Variants in SLC26A9 observed in about 807,000 individuals in gnomAD.
SLC26A9 encodes solute carrier family 26 member 9.
A neutral mutation model predicts 87.1 loss-of-function variants in SLC26A9; 46 were observed. That is an observed-to-expected ratio of 0.53 (90% CI 0.42 to 0.67). The LOEUF is 0.67. SLC26A9 is among the 30% of genes least tolerant of loss of function. The pLI, the probability that SLC26A9 is intolerant of heterozygous loss-of-function variation, is 0.00. For missense variants in SLC26A9, 927 were observed against 1,018.3 expected, an observed-to-expected ratio of 0.91 and a Z score of 1.22; for synonymous variants, 437 against 409.1, an observed-to-expected ratio of 1.07 and a Z score of -0.82.
intron 13 of SLC26A9, 35 bp from the exon 14 acceptor site, chr1:205,923,648 T>A: frequency 6.2e-7 from 1 of 1,613,430 alleles, no homozygotes; most frequent in South Asian, 1.1e-5. Context: ...CATAAGAGAA[T>A]GCTAATGGCA....
intron 1 of SLC26A9, among the ~76,000 whole-genome samples, chr1:205,937,769 C>G (rs7549173): frequency 0.62 from 94,567 of 151,842 alleles, 30,127 homozygotes; most frequent in East Asian, 0.94. Context: ...GGTTTGCCTG[C>G]GGGGGCTCAA....
chr1:205,926,927 A>T (rs1257413668), intron 11 of SLC26A9, among the ~76,000 whole-genome samples: 1 of 152,112 alleles, frequency 6.6e-6, no homozygotes, highest in Non-Finnish European at 1.5e-5. Context: ...GTAGGTGCAA[A>T]TGTTGCCTAG....
intron 1 of SLC26A9, among the ~76,000 whole-genome samples, chr1:205,940,377 T>C (rs1659687751): frequency 6.6e-6 from 1 of 152,170 alleles, no homozygotes; most frequent in Admixed American, 6.5e-5. Context: ...ACCAGGTCTC[T>C]GTCAACACCA....
intron 20 of SLC26A9, among the ~76,000 whole-genome samples, chr1:205,916,183 G>C (rs1445453927): frequency 6.6e-6 from 1 of 152,166 alleles, no homozygotes; most frequent in African/African-American, 2.4e-5. Context: ...TGCAACATCT[G>C]CCTCCCAGGT....
chr1:205,942,613 G>T (rs113344787), intron 1 of SLC26A9, among the ~76,000 whole-genome samples: 1 of 152,200 alleles, frequency 6.6e-6, no homozygotes, highest in Non-Finnish European at 1.5e-5. Context: ...CCTTGGAGCT[G>T]CAGGATGAGG....
In SLC26A9 at chr1:205,914,844, G is replaced by A; in HGVS notation, c.*513C>T. 2.5e-6 allele frequency: 4 copies of A among 1,569,886 alleles called. No homozygotes were observed. Among genetic ancestry groups the A allele is most frequent in the Non-Finnish European group, 2.6e-6 (3 of 1,155,214 alleles). The stretch of plus-strand genomic sequence containing the variant: ...TGGGTGCAGAGCTGCCAGAGACAGA[G>A]TTGAGGCAGCTGGGGAAGGCAAGCC... On this transcript the variant is annotated 3_prime_UTR_variant, in exon 21 of 21. Coordinates refer to ENST00000367135, the MANE Select transcript of SLC26A9 (RefSeq NM_052934.4).
rs892282884 is a variant in SLC26A9, at chr1:205,935,680, G to A, written c.125+16C>T. 4.3e-6 allele frequency: 7 copies of A among 1,613,772 alleles called. No homozygotes were observed. The highest frequency in any genetic ancestry group is 2.2e-5 in the East Asian group (1 of 44,886). On this transcript the variant is annotated intron_variant, in intron 2 of 20. Transcript: ENST00000367135. ...GGGAGCAGAGGAGGCAGAAGTCTGG[G>A]CTCTGGACCAGTTACCTGAAGGCAT... is the stretch of plus-strand genomic sequence containing the variant.
In SLC26A9 at chr1:205,927,298, G is replaced by T; in HGVS notation, c.1216-10C>A. The T allele has an allele frequency of 6.2e-7, 1 of 1,614,112 alleles. No homozygotes were observed. The highest frequency in any genetic ancestry group is 8.5e-7 in the Non-Finnish European group (1 of 1,179,994). On this transcript the variant is annotated splice_polypyrimidine_tract_variant and intron_variant, in intron 10 of 20. Coordinates refer to ENST00000367135, the MANE Select transcript of SLC26A9 (RefSeq NM_052934.4). ...CACACAGGCTGGCCACCTATTCCGA[G>T]AAAGAGTTGGGGATAGAGGGAAGGT...
intron 16 of SLC26A9, among the ~76,000 whole-genome samples, chr1:205,922,302 A>G (rs1658874768): frequency 2.0e-5 from 3 of 152,224 alleles, no homozygotes; most frequent in African/African-American, 7.2e-5. Flanking sequence ...ACGCCTGGCT[A>G]ATTTTTGTGT....
rs1463533299 is a variant in SLC26A9, at chr1:205,932,049, C to A, written c.377-14G>T. On this transcript the variant is annotated splice_polypyrimidine_tract_variant and intron_variant, in intron 4 of 20. Transcript: ENST00000367135. ...CGGCAAAGGTACCTGTGGTGCCCCA[C>A]CCAGCCAGCAAAAATCAGAGGTTTG... is the stretch of plus-strand genomic sequence containing the variant. 1.8e-5 allele frequency: 29 copies of A among 1,612,842 alleles called. No homozygotes were observed. Among genetic ancestry groups the A allele is most frequent in the Non-Finnish European group, 2.5e-5 (29 of 1,179,372 alleles).
Position 205,923,689 on chromosome 1 carries a change from C to A in SLC26A9, c.1497-76G>T, listed in dbSNP as rs180841638. The A allele has an allele frequency of 3.2e-6, 5 of 1,567,830 alleles. No homozygotes were observed. The African/African-American group carries it at 6.8e-5, about 21-fold the overall frequency. ...GCCTGGAAGGGTGCCCCTGCTGGGG[C>A]GGGGGCAGAGCCAAGGTAGGATGGG... On this transcript the variant is annotated intron_variant, in intron 13 of 20. Transcript: ENST00000367135.
intron 15 of SLC26A9, 54 bp from the exon 16 acceptor site, chr1:205,923,249 C>CTAT: frequency 6.2e-7 from 1 of 1,607,764 alleles, no homozygotes. Flanking sequence ...TGGGAGTGGC[C>CTAT]TATTCTCAGC....
rs1659366041 is a variant in SLC26A9 at position 205,932,941 on chromosome 1, T to C, written c.265+4A>G. ...TCCAGGCCTGGCTGAAGGAGCCCCTTCACCTTGTGGGACCTGGATGGATCC... is the reference window on the plus strand; with the variant it reads ...TCCAGGCCTGGCTGAAGGAGCCCCTCCACCTTGTGGGACCTGGATGGATCC... On this transcript the variant is annotated splice_donor_region_variant and intron_variant, in intron 3 of 20. Coordinates refer to ENST00000367135, the MANE Select transcript of SLC26A9 (RefSeq NM_052934.4). 6.2e-7 allele frequency: 1 copy of C among 1,613,774 alleles called. No individual in the cohort carries two copies. The highest frequency in any genetic ancestry group is 8.5e-7 in the Non-Finnish European group (1 of 1,179,914).
intron 2 of SLC26A9, chr1:205,935,493 T>G (rs1259909461): frequency 1.5e-6 from 1 of 655,550 alleles, no homozygotes; most frequent in Non-Finnish European, 2.4e-6. Flanking sequence ...TTCTGGATGG[T>G]TCTTGCTCCT....
intron 13 of SLC26A9, among the ~76,000 whole-genome samples, chr1:205,923,815 G>C (rs553449752): frequency 6.6e-6 from 1 of 152,314 alleles, no homozygotes; most frequent in African/African-American, 2.4e-5. Flanking sequence ...TGACAGGCAG[G>C]TCCTTGACAT....
chr1:205,918,735 G>C lies in SLC26A9; in HGVS notation c.2256+105C>G, dbSNP rs1658698220. On this transcript the variant is annotated intron_variant, in intron 19 of 20. Transcript: ENST00000367135. ...TTCAGAAAACTGAAATGGCAGACTT[G>C]ATATTGGAACTTAAACCTTCTCCTG... 7 of 1,398,314 alleles carry C rather than the reference G, an allele frequency of 5.0e-6. No individual in the cohort carries two copies. The South Asian group carries it at 6.5e-5, about 13-fold the overall frequency. The allele number at this position is 1,398,314 out of a possible 1,614,324, so 86.6% of individuals were successfully genotyped here. A position where few individuals can be genotyped will look rare whatever the true frequency, so the allele number is the denominator to read the frequency against.
rs1658478134 is a variant in SLC26A9, at chr1:205,914,120, A to G, written c.*1237T>C. 2 of 152,208 alleles carry G rather than the reference A, an allele frequency of 1.3e-5. No individual in the cohort carries two copies. The highest frequency in any genetic ancestry group is 4.1e-4 in the South Asian group (2 of 4,826). The allele number at this position is 152,208 out of a possible 1,614,324, so 9.4% of individuals were successfully genotyped here. ...AAACTTAACCCCTATTTTCATCTTC[A>G]TAGGAGAAGATGGCCTGAGGTCCTA... On this transcript the variant is annotated 3_prime_UTR_variant, in exon 21 of 21. Coordinates refer to ENST00000367135, the MANE Select transcript of SLC26A9 (RefSeq NM_052934.4).
chr1:205,922,996 G>A (rs1558121537), intron 16 of SLC26A9, 86 bp downstream of exon 16: 11 of 1,306,908 alleles, frequency 8.4e-6, no homozygotes, highest in Non-Finnish European at 1.2e-5. Flanking sequence ...TGGGAAGCGG[G>A]GCCCCCAGGG....
Position 205,914,037 on chromosome 1 carries a change from C to A in SLC26A9, c.*1320G>T, listed in dbSNP as rs1466955968. ...TTTTACAAAACACTTACACATGGAA[C>A]CTATTTATTTTCAAGTCAACAGTAG... On this transcript the variant is annotated 3_prime_UTR_variant, in exon 21 of 21. Transcript: ENST00000367135. The A allele has an allele frequency of 3.9e-5, 6 of 152,166 alleles. No homozygotes were observed. The highest frequency in any genetic ancestry group is 7.3e-5 in the Non-Finnish European group (5 of 68,032). 9.4% of individuals were successfully genotyped at this position (152,166 alleles called of 1,614,324 possible).
Sources: gnomAD v4.1 joint callset for allele counts (sites outside exome capture counted in the v4.1 genomes callset) on GRCh38, gnomAD v4.1.1 for gene constraint, MANE v1.5 for transcripts, NCBI Gene and HGNC (gene_info 2026-07-23, HGNC 2026-07-21) for gene names.